The following INTS6 variants were observed in gnomAD, a reference collection of about 807,000 sequenced individuals.
INTS6 encodes DEAD box protein.
INTS6 carries 16 observed loss-of-function variants against 104.9 expected under a neutral mutation model. The observed-to-expected ratio is 0.15, with a 90% CI of 0.10 to 0.23. The LOEUF (loss-of-function observed/expected upper bound fraction) is 0.23. Among genes scored for constraint, INTS6 ranks in the 10% least tolerant of loss-of-function variants. INTS6 has a pLI of 1.00. For synonymous variants in INTS6, 324 were observed against 358.7 expected, an observed-to-expected ratio of 0.90 and a Z score of 1.09; for missense variants, 584 against 1,062.8, an observed-to-expected ratio of 0.55 and a Z score of 6.26.
At chr13:51,407,380 T>C (rs975202783) in intron 4 of INTS6, among the ~76,000 whole-genome samples, 4 of 152,202 alleles carry the variant, frequency 2.6e-5, no homozygotes, top group Non-Finnish European at 5.9e-5. Flanking sequence ...TTGTGAACAG[T>C]AGAGTAATAC....
At chr13:51,410,739 A>G (rs1956669062) in intron 4 of INTS6, among the ~76,000 whole-genome samples, 1 of 152,200 alleles carries the variant, frequency 6.6e-6, no homozygotes, top group Admixed American at 6.5e-5. Context: ...TCTAAAATAT[A>G]AAAAGGCAGC....
the INTS6 span, among the ~76,000 whole-genome samples, chr13:51,338,239 C>CA: frequency 6.6e-6 from 1 of 152,198 alleles, no homozygotes; most frequent in Non-Finnish European, 1.5e-5. Flanking sequence ...CTGCTACAGG[C>CA]AGCTCACAAT....
chr13:51,389,329 G>C lies in INTS6; in HGVS notation c.729C>G (p.Ser243=). 2 of 1,612,780 alleles carry C rather than the reference G, an allele frequency of 1.2e-6. No homozygotes were observed. Among genetic ancestry groups the C allele is most frequent in the Non-Finnish European group, 1.7e-6 (2 of 1,179,490 alleles). Residue 243 remains serine, a synonymous_variant, in exon 6 of 18, where the codon TCC becomes TCG. Coordinates refer to ENST00000311234, the MANE Select transcript of INTS6 (RefSeq NM_012141.3). ...AAAGTGCAATAATACCTTCTACAGG[G>C]GAAGGATCTGGTCCTGCTTTTTCAA... ...INFEKAGPDP[S]PVEDGQPDIS...
intron 13 of INTS6, among the ~76,000 whole-genome samples, chr13:51,375,196 T>C (rs941291754): frequency 6.6e-6 from 1 of 151,390 alleles, no homozygotes; most frequent in African/African-American, 2.4e-5. Flanking sequence ...CTATTAAAAA[T>C]ACAAAAATTA....
chr13:51,433,985 C>T (rs1957142285), intron 3 of INTS6, among the ~76,000 whole-genome samples: 1 of 152,104 alleles, frequency 6.6e-6, no homozygotes, highest in Non-Finnish European at 1.5e-5. Context: ...AAAGCCAGAA[C>T]CTTATTAAGC....
intron 4 of INTS6, among the ~76,000 whole-genome samples, chr13:51,414,833 T>TACAC (rs151197136): frequency 0.14 from 19,556 of 142,860 alleles, 1,319 homozygotes; most frequent in East Asian, 0.16. Context: ...AGTTCTTCTA[T>TACAC]ACACACACAC....
intron 13 of INTS6, among the ~76,000 whole-genome samples, chr13:51,375,331 G>A (rs1476406937): frequency 1.4e-5 from 2 of 142,204 alleles, no homozygotes; most frequent in South Asian, 2.2e-4. Context: ...CAGCCTGGGC[G>A]ACAGAGCAAG....
downstream of INTS6, among the ~76,000 whole-genome samples, chr13:51,359,831 T>G (rs1411215336): frequency 6.6e-6 from 1 of 152,106 alleles, no homozygotes; most frequent in African/African-American, 2.4e-5. Context: ...GTTTGCTTAA[T>G]TAGCTAGTAA....
intron 3 of INTS6, among the ~76,000 whole-genome samples, chr13:51,431,642 G>C (rs1028333913): frequency 3.9e-5 from 6 of 152,096 alleles, no homozygotes; most frequent in African/African-American, 1.4e-4. Context: ...TCATCGTAAA[G>C]TGGGAAGGGG....
chr13:51,400,513 C>T (rs1956417139), intron 4 of INTS6, among the ~76,000 whole-genome samples: 1 of 152,152 alleles, frequency 6.6e-6, no homozygotes, highest in Non-Finnish European at 1.5e-5. Flanking sequence ...GGCAAAGATA[C>T]ATTTTTTTTC....
intron 12 of INTS6, among the ~76,000 whole-genome samples, chr13:51,377,495 A>G (rs1321049923): frequency 6.6e-6 from 1 of 152,132 alleles, no homozygotes; most frequent in African/African-American, 2.4e-5. Flanking sequence ...GATCACGACC[A>G]CTTCAAATAA....
chr13:51,426,165 T>G (rs1956981863), intron 4 of INTS6, among the ~76,000 whole-genome samples: 1 of 152,054 alleles, frequency 6.6e-6, no homozygotes, highest in South Asian at 2.1e-4. Context: ...AGCTCAAGAT[T>G]TTCATTCATA....
rs1956147594 is a variant in INTS6, at chr13:51,386,811, T to C, written c.894+575A>G. 2.0e-5 allele frequency among the ~76,000 whole-genome samples: 3 copies of C among 152,136 alleles called. No homozygotes were observed. The South Asian group carries it at 6.2e-4, about 32-fold the overall frequency. Reference sequence around the variant, plus strand: ...TACACTAACACGACTAAATGGATATTAATTTGTATAAATGTACCCTATTAT... The same window carrying C: ...TACACTAACACGACTAAATGGATATCAATTTGTATAAATGTACCCTATTAT... On this transcript the variant is annotated intron_variant, in intron 7 of 17. Coordinates refer to ENST00000311234, the MANE Select transcript of INTS6 (RefSeq NM_012141.3).
At chr13:51,400,330 G>A (rs1163972290) in intron 4 of INTS6, among the ~76,000 whole-genome samples, 3 of 152,186 alleles carry the variant, frequency 2.0e-5, no homozygotes, top group African/African-American at 7.2e-5. Flanking sequence ...GGTATCTTTT[G>A]ATAAACAGAA....
At chr13:51,445,248 G>A (rs934029619) in intron 3 of INTS6, 1 of 152,000 alleles carries the variant, frequency 6.6e-6, no homozygotes, top group African/African-American at 2.4e-5. Context: ...ATCATCCTAT[G>A]CTTATTAAAT....
At chr13:51,414,334 A>G (rs533021676) in intron 4 of INTS6, among the ~76,000 whole-genome samples, 61 of 152,334 alleles carry the variant, frequency 4.0e-4, no homozygotes, top group African/African-American at 1.4e-3. Context: ...TTTTGTCCCA[A>G]TAGAGAAGCT....
At chr13:51,409,681 T>C (rs1186715435) in intron 4 of INTS6, among the ~76,000 whole-genome samples, 2 of 152,142 alleles carry the variant, frequency 1.3e-5, no homozygotes, top group East Asian at 3.9e-4. Flanking sequence ...TTCCTTAAAA[T>C]TAAATGTTAA....
chr13:51,360,797 A>G (rs1373218442), downstream of INTS6, among the ~76,000 whole-genome samples: 1 of 152,060 alleles, frequency 6.6e-6, no homozygotes, highest in Non-Finnish European at 1.5e-5. Context: ...TTGTCATTTA[A>G]AAGTGGCTCT....
intron 9 of INTS6, 86 bp downstream of exon 9, chr13:51,383,243 C>T: frequency 8.8e-7 from 1 of 1,142,314 alleles, no homozygotes; most frequent in African/African-American, 1.6e-5. Context: ...CATTGATTTC[C>T]AGAAGACAAG....
Sources: gnomAD v4.1 joint callset for allele counts (sites outside exome capture counted in the v4.1 genomes callset) on GRCh38, gnomAD v4.1.1 for gene constraint, MANE v1.5 for transcripts, NCBI Gene and HGNC (gene_info 2026-07-23, HGNC 2026-07-21) for gene names.